The following CGGBP1 variants were observed in gnomAD, a reference collection of about 807,000 sequenced individuals.
CGGBP1 encodes CGG triplet repeat binding protein 1, also known as CGG triplet repeat-binding protein 1.
In CGGBP1, 4 loss-of-function variants were observed where a neutral mutation model predicts 11.4. The observed-to-expected ratio is 0.35, with a 90% CI of 0.17 to 0.80. The LOEUF is 0.80. CGGBP1 is among the 30% of genes least tolerant of loss of function. The pLI, the probability that CGGBP1 is intolerant of heterozygous loss-of-function variation, is 0.52. For missense variants in CGGBP1, 135 were observed against 202.1 expected (o/e 0.67, Z 2.01); for synonymous variants, 76 against 74.1 (o/e 1.03, Z -0.13).
At chr3:88,111,255 A>C (rs189627704) in intron 2 of CGGBP1, among the ~76,000 whole-genome samples, 9 of 152,056 alleles carry the variant, frequency 5.9e-5, no homozygotes, top group African/African-American at 2.2e-4. Flanking sequence ...GAAAAATTAC[A>C]AAACGATTAA....
At chr3:88,119,278 C>G (rs944201659) in intron 2 of CGGBP1, among the ~76,000 whole-genome samples, 23 of 145,620 alleles carry the variant, frequency 1.6e-4, no homozygotes, top group Middle Eastern at 3.5e-3. Context: ...AGTAAACTAT[C>G]GCAAGAACAA....
chr3:88,129,458 G>A (rs1339946414), intron 2 of CGGBP1, among the ~76,000 whole-genome samples: 1 of 151,408 alleles, frequency 6.6e-6, no homozygotes, highest in African/African-American at 2.4e-5. Flanking sequence ...TGGATCGTAT[G>A]TACCTATAGG....
chr3:88,090,002 TAAAC>T (rs1253712714), intron 2 of CGGBP1, among the ~76,000 whole-genome samples: 4 of 152,200 alleles, frequency 2.6e-5, no homozygotes, highest in Non-Finnish European at 4.4e-5. Context: ...GATGCTGGTG[TAAAC>T]AAACCTACGG....
intron 2 of CGGBP1, among the ~76,000 whole-genome samples, chr3:88,080,286 A>G (rs2107643155): frequency 6.6e-6 from 1 of 152,230 alleles, no homozygotes; most frequent in East Asian, 1.9e-4. Flanking sequence ...AACATAATGA[A>G]CCAGTTCATA....
chr3:88,135,634 A>T (rs1706731669), intron 2 of CGGBP1: 1 of 152,398 alleles, frequency 6.6e-6, no homozygotes, highest in Non-Finnish European at 1.5e-5. Flanking sequence ...AAACTTAAGG[A>T]CAAAGTTTTT....
intron 2 of CGGBP1, among the ~76,000 whole-genome samples, chr3:88,124,031 T>A (rs1315089660): frequency 1.3e-5 from 2 of 152,200 alleles, no homozygotes; most frequent in East Asian, 3.9e-4. Context: ...TACCCCATAT[T>A]TAATGAATGC....
At chr3:88,067,373 C>G (rs1707257950) in intron 2 of CGGBP1, among the ~76,000 whole-genome samples, 1 of 152,148 alleles carries the variant, frequency 6.6e-6, no homozygotes, top group South Asian at 2.1e-4. Context: ...GATAGCTGGA[C>G]TTAACAGAAG....
intron 2 of CGGBP1, among the ~76,000 whole-genome samples, chr3:88,071,575 G>A (rs1707512462): frequency 6.6e-6 from 1 of 152,208 alleles, no homozygotes; most frequent in Non-Finnish European, 1.5e-5. Context: ...GGCGGAGCTT[G>A]CAGTGAGCTG....
intron 2 of CGGBP1, chr3:88,126,365 T>C (rs2107822160): frequency 1.6e-6 from 2 of 1,229,514 alleles, no homozygotes; most frequent in Admixed American, 6.8e-5. Flanking sequence ...TTCTTCATTT[T>C]ATAATACTGA....
chr3:88,073,362 G>C (rs1292232477), intron 2 of CGGBP1, among the ~76,000 whole-genome samples: 1 of 152,164 alleles, frequency 6.6e-6, no homozygotes, highest in Non-Finnish European at 1.5e-5. Context: ...TGGCTTAGGG[G>C]TTTGAATTCT....
At chr3:88,085,870 T>C (rs73150076) in intron 2 of CGGBP1, among the ~76,000 whole-genome samples, 4 of 152,340 alleles carry the variant, frequency 2.6e-5, no homozygotes, top group Non-Finnish European at 2.9e-5. Context: ...TTATAAATAA[T>C]AATGATAATA....
chr3:88,101,429 T>A (rs1297410773), intron 2 of CGGBP1, among the ~76,000 whole-genome samples: 1 of 152,178 alleles, frequency 6.6e-6, no homozygotes, highest in Non-Finnish European at 1.5e-5. Context: ...TTAAAAATAG[T>A]CTTGCGAAAT....
At chr3:88,127,446 T>TAAAAAAAA (rs71131550) in intron 2 of CGGBP1, among the ~76,000 whole-genome samples, 1 of 147,606 alleles carries the variant, frequency 6.8e-6, no homozygotes, top group African/African-American at 2.5e-5. Context: ...GAAAGGGAGT[T>TAAAAAAAA]AAAAAAAAAA....
At chr3:88,065,370 A>G (rs1229270567) in intron 2 of CGGBP1, among the ~76,000 whole-genome samples, 4 of 152,144 alleles carry the variant, frequency 2.6e-5, no homozygotes, top group Non-Finnish European at 5.9e-5. Flanking sequence ...TTGTAATAGT[A>G]AATCATTGAA....
At chr3:88,133,260 C>T (rs545134588) in intron 2 of CGGBP1, among the ~76,000 whole-genome samples, 116 of 152,226 alleles carry the variant, frequency 7.6e-4, no homozygotes, top group African/African-American at 2.7e-3. Context: ...AAGCATGGCT[C>T]ATTGAATTGG....
chr3:88,067,976 A>C (rs751111573), intron 2 of CGGBP1, among the ~76,000 whole-genome samples: 3 of 152,158 alleles, frequency 2.0e-5, no homozygotes, highest in Non-Finnish European at 4.4e-5. Context: ...AAATCTACAA[A>C]AGAAGGGATT....
At chr3:88,111,299 C>G (rs1195854971) in intron 2 of CGGBP1, among the ~76,000 whole-genome samples, 1 of 151,748 alleles carries the variant, frequency 6.6e-6, no homozygotes, top group Admixed American at 6.6e-5. Flanking sequence ...CATTTCTGAC[C>G]CCTAGTTCTT....
intron 2 of CGGBP1, among the ~76,000 whole-genome samples, chr3:88,094,527 T>C (rs1009412100): frequency 6.6e-6 from 1 of 152,134 alleles, no homozygotes; most frequent in Non-Finnish European, 1.5e-5. Flanking sequence ...TGTGTAGTTT[T>C]GGAAAATGGT....
intron 1 of CGGBP1, chr3:88,142,146 A>G (rs1707163259): frequency 6.6e-6 from 1 of 152,528 alleles, no homozygotes; most frequent in African/African-American, 2.4e-5. Context: ...GGTTTAAGGA[A>G]CCGCTGCTGT....
Sources: gnomAD v4.1 joint callset for allele counts (sites outside exome capture counted in the v4.1 genomes callset) on GRCh38, gnomAD v4.1.1 for gene constraint, MANE v1.5 for transcripts, NCBI Gene and HGNC (gene_info 2026-07-23, HGNC 2026-07-21) for gene names.